Variants in ABTB2 observed in about 807,000 individuals in gnomAD.
The protein encoded by ABTB2 is ankyrin repeat and BTB domain containing 2.
In ABTB2, 56 loss-of-function variants were observed where a neutral mutation model predicts 104.1. That is an observed-to-expected ratio of 0.54 (90% CI 0.43 to 0.67). The LOEUF is 0.67. ABTB2 is among the 30% of genes least tolerant of loss of function. ABTB2 has a pLI of 0.00. For synonymous variants in ABTB2, 606 were observed against 608.2 expected (o/e 1.00, Z 0.05); for missense variants, 1,279 against 1,407.7 (o/e 0.91, Z 1.46).
chr11:34,164,724 G>A lies in ABTB2; in HGVS notation c.1950C>T (p.Asp650=), dbSNP rs766873181. 6 of 1,549,272 alleles carry A rather than the reference G, an allele frequency of 3.9e-6. No individual in the cohort carries two copies. The highest frequency in any genetic ancestry group is 5.2e-6 in the Non-Finnish European group (6 of 1,158,334). The change falls in exon 9 of 17, where the codon GAC becomes GAT. Residue 650 remains aspartate, a synonymous_variant. Coordinates refer to ENST00000435224, the MANE Select transcript of ABTB2 (RefSeq NM_145804.3). Reference sequence around the variant, plus strand: ...CAGCTGAGTGGCTGAAGCAGTTCATGTCCTCGTGGAGGGAGGAGCCCATGC... The same window carrying A: ...CAGCTGAGTGGCTGAAGCAGTTCATATCCTCGTGGAGGGAGGAGCCCATGC... ...AHGMGSSLHE[D]MNCFSHSAAH...
intron 1 of ABTB2, among the ~76,000 whole-genome samples, chr11:34,207,276 T>C (rs1853420778): frequency 6.6e-6 from 1 of 152,198 alleles, no homozygotes; most frequent in Non-Finnish European, 1.5e-5. Flanking sequence ...GGTAAGGGAA[T>C]AGGAAATTCA....
chr11:34,354,463 A>G (rs1234301748), intron 1 of ABTB2, among the ~76,000 whole-genome samples: 1 of 150,612 alleles, frequency 6.6e-6, no homozygotes, highest in Non-Finnish European at 1.5e-5. Context: ...GTCTCTATTT[A>G]AAAAAACAAA....
At chr11:34,270,930 CTT>C (rs1269693843) in intron 1 of ABTB2, among the ~76,000 whole-genome samples, 3 of 152,210 alleles carry the variant, frequency 2.0e-5, no homozygotes, top group Non-Finnish European at 4.4e-5. Context: ...TGCCTCTTGA[CTT>C]TAGGCAGCTG....
intron 1 of ABTB2, among the ~76,000 whole-genome samples, chr11:34,263,997 TGAC>T (rs1454973161): frequency 6.6e-6 from 1 of 152,206 alleles, no homozygotes; most frequent in Non-Finnish European, 1.5e-5. Context: ...TTATGGAGTC[TGAC>T]GTTTGGCTGG....
chr11:34,354,839 C>G (rs1319673224), intron 1 of ABTB2, among the ~76,000 whole-genome samples: 1 of 152,196 alleles, frequency 6.6e-6, no homozygotes, highest in African/African-American at 2.4e-5. Flanking sequence ...TAGGAGCCTG[C>G]CTTTACTTCT....
intron 1 of ABTB2, among the ~76,000 whole-genome samples, chr11:34,239,237 G>A (rs140440207): frequency 0.011 from 1,603 of 152,284 alleles, 17 homozygotes; most frequent in Non-Finnish European, 0.017. Flanking sequence ...TGGCCTTTAC[G>A]TAGCGCCTGG....
At chr11:34,283,052 GC>G (rs1430796670) in intron 1 of ABTB2, among the ~76,000 whole-genome samples, 1 of 150,792 alleles carries the variant, frequency 6.6e-6, no homozygotes, top group Non-Finnish European at 1.5e-5. Context: ...GGTACTACAG[GC>G]GCCCGCCACC....
chr11:34,298,641 T>TG (rs1257546383), intron 1 of ABTB2, among the ~76,000 whole-genome samples: 1 of 152,080 alleles, frequency 6.6e-6, no homozygotes, highest in Non-Finnish European at 1.5e-5. Context: ...TTTTGTATTT[T>TG]GGTAGAGATG....
intron 1 of ABTB2, among the ~76,000 whole-genome samples, chr11:34,344,578 C>T (rs1034550889): frequency 6.6e-6 from 1 of 152,206 alleles, no homozygotes; most frequent in African/African-American, 2.4e-5. Context: ...CTTACTGCAA[C>T]CTCTGCCTCC....
chr11:34,176,052 C>A (rs1046439217), intron 3 of ABTB2, among the ~76,000 whole-genome samples: 2 of 152,170 alleles, frequency 1.3e-5, no homozygotes, highest in Non-Finnish European at 2.9e-5. Context: ...TAGGCTGAGG[C>A]AGGTGGATCA....
chr11:34,253,829 C>T (rs1159851425), intron 1 of ABTB2, among the ~76,000 whole-genome samples: 6 of 152,206 alleles, frequency 3.9e-5, no homozygotes, highest in Admixed American at 1.3e-4. Flanking sequence ...CTTCATTCTC[C>T]CAAGGAAGGG....
intron 5 of ABTB2, among the ~76,000 whole-genome samples, chr11:34,170,092 A>C (rs1271629644): frequency 6.6e-6 from 1 of 152,062 alleles, no homozygotes; most frequent in Non-Finnish European, 1.5e-5. Context: ...TCAAATAAAC[A>C]CACAGGATAT....
intron 1 of ABTB2, among the ~76,000 whole-genome samples, chr11:34,295,188 A>T (rs992686545): frequency 1.3e-5 from 2 of 152,156 alleles, no homozygotes; most frequent in Non-Finnish European, 2.9e-5. Context: ...TATCCTTAAA[A>T]ATTAAAAATA....
At chr11:34,161,529 C>T (rs1011862719) in intron 10 of ABTB2, among the ~76,000 whole-genome samples, 4 of 152,118 alleles carry the variant, frequency 2.6e-5, no homozygotes, top group Non-Finnish European at 4.4e-5. Flanking sequence ...AGAGAATATG[C>T]CAGGCACTCA....
rs1828934253 is a variant in ABTB2 at position 34,162,790 on chromosome 11, C to T, written c.2004G>A (p.Lys668=). ...TAGCCTGCTGTGGCTGCGTCAGGAG[C>T]TTCCTCAGGACGTTCCTGCAGGCCC... ...AAHGHRNVLR[K]LLTQPQQAKA... The change falls in exon 10 of 17, where the codon AAG becomes AAA. Residue 668 remains lysine, a synonymous_variant. Coordinates refer to ENST00000435224, the MANE Select transcript of ABTB2 (RefSeq NM_145804.3). 4 of 1,604,476 alleles carry T rather than the reference C, an allele frequency of 2.5e-6. No individual in the cohort carries two copies.
intron 1 of ABTB2, among the ~76,000 whole-genome samples, chr11:34,326,763 T>G (rs1048054067): frequency 1.3e-5 from 2 of 152,126 alleles, no homozygotes; most frequent in African/African-American, 4.8e-5. Context: ...AGATTAAATG[T>G]AAATGTTCTA....
chr11:34,302,071 C>G (rs78209236), intron 1 of ABTB2, among the ~76,000 whole-genome samples: 1 of 152,178 alleles, frequency 6.6e-6, no homozygotes, highest in African/African-American at 2.4e-5. Flanking sequence ...ATAAAAATCA[C>G]GTGTGTGTAC....
intron 1 of ABTB2, among the ~76,000 whole-genome samples, chr11:34,209,133 G>A (rs1853444722): frequency 6.6e-6 from 1 of 152,114 alleles, no homozygotes; most frequent in East Asian, 1.9e-4. Flanking sequence ...ATCACTTGAG[G>A]CCAGGAGTTT....
At position 34,160,932 on chromosome 11, in the gene ABTB2, G is replaced by C; in HGVS notation, c.2368C>G (p.Leu790Val). ...NEELVTEGLQ[L>V]MFDILKTSKN... is the part of the protein sequence containing the mutation. ...CTGGTCTTGAGGATGTCGAACATGA[G>C]CTGCAAGCCCTCGGTCACCAGCTCC... The change falls in exon 11 of 17, where the codon CTC becomes GTC. Residue 790 changes from leucine to valine, a missense_variant. Physicochemically the swap from Leu to Val is conservative, Grantham distance 32. Coordinates refer to ENST00000435224, the MANE Select transcript of ABTB2 (RefSeq NM_145804.3). 1 of 1,611,716 alleles carries C rather than the reference G, an allele frequency of 6.2e-7. No homozygotes were observed. Among genetic ancestry groups the C allele is most frequent in the Non-Finnish European group, 8.5e-7 (1 of 1,178,874 alleles).
Sources: gnomAD v4.1 joint callset for allele counts (sites outside exome capture counted in the v4.1 genomes callset) on GRCh38, gnomAD v4.1.1 for gene constraint, MANE v1.5 for transcripts, NCBI Gene and HGNC (gene_info 2026-07-23, HGNC 2026-07-21) for gene names.